The following TLE1 variants were observed in gnomAD, a reference collection of about 807,000 sequenced individuals.
The protein encoded by TLE1 is transducin-like enhancer protein 1.
In TLE1, 21 loss-of-function variants were observed where a neutral mutation model predicts 89.8. The observed-to-expected ratio is 0.23, with a 90% CI of 0.17 to 0.34. The LOEUF (loss-of-function observed/expected upper bound fraction) is 0.34. Ranked by LOEUF, TLE1 falls within the 10% of genes least tolerant of loss-of-function variation. The pLI is 1.00. For synonymous variants in TLE1, 447 were observed against 407.6 expected (o/e 1.10, Z -1.16); for missense variants, 795 against 1,031.2 (o/e 0.77, Z 3.14).
rs1823972083 is a variant in TLE1, at chr9:81,613,399, T to A, written c.1041A>T (p.Ile347=). The change falls in exon 12 of 20, where the codon ATA becomes ATT. Residue 347 remains isoleucine, a synonymous_variant. Coordinates refer to ENST00000376499, the MANE Select transcript of TLE1 (RefSeq NM_005077.5). The part of the protein sequence containing the change: ...LRPGLGKPPA[I]DPLVNQAAAG... ...TACCCGCTTGGTTAACGAGGGGGTC[T>A]ATGGCTGGAGGCTTGCCGAGACCTG... The A allele has an allele frequency of 1.2e-6, 2 of 1,614,086 alleles. No individual in the cohort carries two copies. Among genetic ancestry groups the A allele is most frequent in the Non-Finnish European group, 1.7e-6 (2 of 1,179,950 alleles).
chr9:81,680,967 G>A (rs983433358), intron 4 of TLE1, among the ~76,000 whole-genome samples: 4 of 150,940 alleles, frequency 2.7e-5, no homozygotes, highest in African/African-American at 9.7e-5. Flanking sequence ...GGTAAAATTT[G>A]CAAAAGAGTA....
chr9:81,687,318 G>A lies in TLE1; in HGVS notation c.125+16C>T, dbSNP rs371055340. The stretch of plus-strand genomic sequence containing the variant: ...GGACGCCCGCGACCACTCGCATGGC[G>A]CGGCCGGACACGCACCTGTGATACT... On this transcript the variant is annotated intron_variant, in intron 2 of 19. Coordinates refer to ENST00000376499, the MANE Select transcript of TLE1 (RefSeq NM_005077.5). The A allele has an allele frequency of 4.2e-5, 67 of 1,591,478 alleles. No individual in the cohort carries two copies. Among genetic ancestry groups the A allele is most frequent in the Non-Finnish European group, 5.2e-5 (61 of 1,170,354 alleles).
At chr9:81,603,974 C>A (rs1831299448) in intron 14 of TLE1, among the ~76,000 whole-genome samples, 2 of 152,106 alleles carry the variant, frequency 1.3e-5, no homozygotes, top group African/African-American at 2.4e-5. Flanking sequence ...TACACTCCAG[C>A]CTGGATGACA....
intron 9 of TLE1, among the ~76,000 whole-genome samples, chr9:81,619,946 G>A (rs966254374): frequency 6.6e-6 from 1 of 152,180 alleles, no homozygotes; most frequent in African/African-American, 2.4e-5. Context: ...TCTGCCTTGA[G>A]AAGTACCATG....
intron 4 of TLE1, among the ~76,000 whole-genome samples, chr9:81,668,695 A>G (rs894697487): frequency 1.3e-5 from 2 of 152,070 alleles, no homozygotes; most frequent in Admixed American, 1.3e-4. Flanking sequence ...ACACATAATT[A>G]AAAGTATGCC....
chr9:81,669,764 T>C (rs1207098553), intron 4 of TLE1, among the ~76,000 whole-genome samples: 2 of 152,212 alleles, frequency 1.3e-5, no homozygotes, highest in Non-Finnish European at 1.5e-5. Flanking sequence ...CAAAATATTC[T>C]TGGGAACCCA....
chr9:81,674,809 G>A (rs1480513929), intron 4 of TLE1, among the ~76,000 whole-genome samples: 1 of 152,016 alleles, frequency 6.6e-6, no homozygotes, highest in African/African-American at 2.4e-5. Flanking sequence ...AAGTACAAAG[G>A]GCAAGTCTAG....
chr9:81,612,137 G>A (rs1249667997), intron 12 of TLE1, among the ~76,000 whole-genome samples, 178 bp from the exon 13 acceptor site: 1 of 152,116 alleles, frequency 6.6e-6, no homozygotes, highest in Non-Finnish European at 1.5e-5. Flanking sequence ...TCCCCAGAGC[G>A]AATGCATCTC....
At chr9:81,673,033 G>A (rs1316010563) in intron 4 of TLE1, among the ~76,000 whole-genome samples, 1 of 152,054 alleles carries the variant, frequency 6.6e-6, no homozygotes. Flanking sequence ...AGCACTTTGG[G>A]AGGCTGAGGG....
intron 14 of TLE1, among the ~76,000 whole-genome samples, chr9:81,597,972 T>C (rs1342107888): frequency 6.6e-6 from 1 of 152,094 alleles, no homozygotes; most frequent in Non-Finnish European, 1.5e-5. Flanking sequence ...GTTTACAGGG[T>C]TGTTGGTTTC....
At chr9:81,677,236 T>TC (rs35970494) in intron 4 of TLE1, among the ~76,000 whole-genome samples, 20,683 of 140,816 alleles carry the variant, frequency 0.15, 1,642 homozygotes, top group African/African-American at 0.23. Flanking sequence ...AGACTCGTCT[T>TC]CCCCCCCCCA....
chr9:81,633,281 A>C (rs1826911490), intron 8 of TLE1, 67 bp downstream of exon 8: 1 of 1,584,278 alleles, frequency 6.3e-7, no homozygotes, highest in Non-Finnish European at 8.6e-7. Flanking sequence ...TGTTGTCAGA[A>C]GGGGACCGTG....
At chr9:81,616,533 T>G (rs1824536979) in intron 10 of TLE1, 113 bp downstream of exon 10, 3 of 1,028,138 alleles carry the variant, frequency 2.9e-6, no homozygotes, top group Non-Finnish European at 3.0e-6. Context: ...ATGTAAGAAG[T>G]TGCAAGAGGT....
chr9:81,611,684 G>C (rs546677417), intron 13 of TLE1, 85 bp downstream of exon 13: 1 of 1,304,516 alleles, frequency 7.7e-7, no homozygotes, highest in Admixed American at 4.1e-5. Context: ...ACGCAGCGCA[G>C]AGAGGCCTGG....
At chr9:81,604,663 T>C (rs1434180940) in intron 14 of TLE1, among the ~76,000 whole-genome samples, 3 of 152,138 alleles carry the variant, frequency 2.0e-5, no homozygotes, top group African/African-American at 7.2e-5. Flanking sequence ...GAGGCTATCT[T>C]AGCAGACTTG....
At chr9:81,678,632 T>C (rs1410479822) in intron 4 of TLE1, among the ~76,000 whole-genome samples, 1 of 151,916 alleles carries the variant, frequency 6.6e-6, no homozygotes, top group African/African-American at 2.4e-5. Flanking sequence ...CTGGCCAACA[T>C]GGCAAAACTC....
chr9:81,621,964 A>G (rs2132197712), intron 8 of TLE1, among the ~76,000 whole-genome samples: 1 of 152,296 alleles, frequency 6.6e-6, no homozygotes, highest in South Asian at 2.1e-4. Context: ...TTCAATATAG[A>G]GAAGCTCTAA....
chr9:81,653,922 C>A, intron 5 of TLE1, 52 bp downstream of exon 5: 1 of 1,548,142 alleles, frequency 6.5e-7, no homozygotes, highest in South Asian at 1.1e-5. Context: ...AGCTAATTTG[C>A]AAACAGAGAA....
intron 8 of TLE1, among the ~76,000 whole-genome samples, chr9:81,625,509 A>C (rs1180812348): frequency 6.6e-6 from 1 of 152,240 alleles, no homozygotes; most frequent in African/African-American, 2.4e-5. Flanking sequence ...TAATTGGCGA[A>C]GTGTTTGAAT....
Sources: allele counts gnomAD v4.1 joint callset (sites outside exome capture counted in the v4.1 genomes callset), GRCh38; gene constraint gnomAD v4.1.1; transcripts MANE v1.5; gene names NCBI Gene and HGNC (gene_info 2026-07-23, HGNC 2026-07-21).